The following FBXL5 variants were observed in gnomAD, a reference collection of about 807,000 sequenced individuals.
FBXL5 encodes the protein F-box and leucine rich repeat protein 5.
Under a neutral mutation model 78.3 loss-of-function variants are expected in FBXL5, and 26 were observed. The ratio of observed to expected loss-of-function variants is 0.33; its 90% CI spans 0.24 to 0.46. The LOEUF (loss-of-function observed/expected upper bound fraction) is 0.46. Among genes scored for constraint, FBXL5 ranks in the 20% least tolerant of loss-of-function variants. FBXL5 has a pLI of 1.00. For missense variants in FBXL5, 710 were observed against 829.2 expected (o/e 0.86, Z 1.77); for synonymous variants, 295 against 282.5 (o/e 1.04, Z -0.45).
chr4:15,678,664 T>G (rs1718083224), intron 1 of FBXL5, among the ~76,000 whole-genome samples: 1 of 152,202 alleles, frequency 6.6e-6, no homozygotes, highest in African/African-American at 2.4e-5. Context: ...TTAAGTATAT[T>G]TACCTAAAAT....
chr4:15,607,321 T>G (rs1005369792), intron 10 of FBXL5, among the ~76,000 whole-genome samples: 2 of 152,178 alleles, frequency 1.3e-5, no homozygotes, highest in Non-Finnish European at 2.9e-5. Context: ...AATATAAAGT[T>G]GAATTACTAA....
rs751556945 is a variant in FBXL5, at chr4:15,655,276, A to G, written c.12T>C (p.Phe4=). Residue 4 remains phenylalanine, a synonymous_variant, in exon 1 of 11, where the codon TTT becomes TTC. Transcript: ENST00000341285. MAP[F]PEEVDVFTAP... ...CGGTGAAGACGTCCACTTCTTCAGGAAAGGGCGCCATCGCCACTGCCTCAG... is the reference window on the plus strand; with the variant it reads ...CGGTGAAGACGTCCACTTCTTCAGGGAAGGGCGCCATCGCCACTGCCTCAG... 60 of 1,431,114 alleles carry G rather than the reference A, an allele frequency of 4.2e-5. No homozygotes were observed. The highest frequency in any genetic ancestry group is 4.5e-5 in the Non-Finnish European group (48 of 1,072,212). 88.7% of individuals were successfully genotyped at this position (1,431,114 alleles called of 1,614,324 possible). A position where few individuals can be genotyped will look rare whatever the true frequency, so the allele number is the denominator to read the frequency against.
intron 9 of FBXL5, among the ~76,000 whole-genome samples, chr4:15,615,342 G>A (rs952352839): frequency 5.9e-5 from 9 of 152,026 alleles, no homozygotes; most frequent in East Asian, 1.9e-4. Context: ...ATGCAACCCC[G>A]GTGTGGGATC....
chr4:15,662,909 T>TCAGAATAATCTTTCTGTCA (rs1409333269), upstream of FBXL5, among the ~76,000 whole-genome samples: 7 of 152,202 alleles, frequency 4.6e-5, no homozygotes, highest in African/African-American at 1.4e-4. Context: ...CAGATCTTTG[T>TCAGAATAATCTTTCTGTCA]CAGAATAATC....
At chr4:15,630,633 CTA>C in intron 6 of FBXL5, 31 bp downstream of exon 6, 1 of 1,498,378 alleles carries the variant, frequency 6.7e-7, no homozygotes. Flanking sequence ...TATTAAAACA[CTA>C]TGTAATAATT....
chr4:15,641,486 G>A (rs1030458253), intron 2 of FBXL5: 22 of 352,914 alleles, frequency 6.2e-5, no homozygotes, highest in African/African-American at 1.7e-4. Flanking sequence ...TTTTTCTTCC[G>A]TATGATGTTC....
At chr4:15,663,410 A>G (rs34559117), upstream of FBXL5, among the ~76,000 whole-genome samples, 36,775 of 152,084 alleles carry the variant, frequency 0.24, 4,698 homozygotes, top group African/African-American at 0.28. Context: ...AGGTTTCAAA[A>G]TGGTTTGACC....
At chr4:15,680,162 C>A (rs566131963) in intron 1 of FBXL5, among the ~76,000 whole-genome samples, 1 of 151,290 alleles carries the variant, frequency 6.6e-6, no homozygotes, top group African/African-American at 2.4e-5. Flanking sequence ...AAGGAGAGAC[C>A]GAGTGAAATA....
intron 1 of FBXL5, among the ~76,000 whole-genome samples, chr4:15,676,846 T>C (rs1331208694): frequency 1.3e-5 from 2 of 152,314 alleles, no homozygotes; most frequent in Non-Finnish European, 2.9e-5. Flanking sequence ...TGTTACCTAA[T>C]ATATCACTAG....
At chr4:15,635,761 G>GAAAAAAAAAAAAA (rs71649918) in intron 5 of FBXL5, among the ~76,000 whole-genome samples, 1 of 120,628 alleles carries the variant, frequency 8.3e-6, no homozygotes, top group South Asian at 2.7e-4. Flanking sequence ...CTCAAAAAAA[G>GAAAAAAAAAAAAA]AAAAAAAAAA....
intron 4 of FBXL5, 99 bp from the exon 5 acceptor site, chr4:15,636,775 T>A (rs1714329550): frequency 1.2e-6 from 1 of 802,130 alleles, no homozygotes; most frequent in Non-Finnish European, 1.9e-6. Context: ...GTGCCTGAAG[T>A]CAATTCCTTC....
intron 1 of FBXL5, among the ~76,000 whole-genome samples, chr4:15,666,594 T>C (rs1038192008): frequency 5.3e-5 from 8 of 151,984 alleles, no homozygotes; most frequent in African/African-American, 1.9e-4. Flanking sequence ...AGCAGGGTGA[T>C]TACAGTCAAT....
chr4:15,678,562 G>A (rs1033658769), intron 1 of FBXL5, among the ~76,000 whole-genome samples: 2 of 152,060 alleles, frequency 1.3e-5, no homozygotes, highest in South Asian at 2.1e-4. Context: ...TCTCAAAATA[G>A]TCCTTGTCTG....
chr4:15,618,503 A>G (rs565176983), intron 9 of FBXL5, among the ~76,000 whole-genome samples: 1 of 152,372 alleles, frequency 6.6e-6, no homozygotes, highest in South Asian at 2.1e-4. Flanking sequence ...AAAGAGACCA[A>G]AACAAAATAG....
chr4:15,627,865 T>A lies in FBXL5; in HGVS notation c.1041+20A>T, dbSNP rs1713224313. 6 of 1,587,568 alleles carry A rather than the reference T, an allele frequency of 3.8e-6. No individual in the cohort carries two copies. Among genetic ancestry groups the A allele is most frequent in the Non-Finnish European group, 5.1e-6 (6 of 1,171,592 alleles). On this transcript the variant is annotated intron_variant, in intron 7 of 10. Coordinates refer to ENST00000341285, the MANE Select transcript of FBXL5 (RefSeq NM_012161.4). ...ATGCTGTTTTTCTTAATACCCAAACTAGTGTTAATTTAAACATACCATTTT... is the reference window on the plus strand; with the variant it reads ...ATGCTGTTTTTCTTAATACCCAAACAAGTGTTAATTTAAACATACCATTTT...
At chr4:15,660,570 CACTA>C (rs569051576), upstream of FBXL5, among the ~76,000 whole-genome samples, 1 of 152,216 alleles carries the variant, frequency 6.6e-6, no homozygotes, top group Non-Finnish European at 1.5e-5. Context: ...TCCCACTTCT[CACTA>C]CCTACCTACC....
chr4:15,678,682 T>A (rs1718084142), intron 1 of FBXL5, among the ~76,000 whole-genome samples: 2 of 152,222 alleles, frequency 1.3e-5, no homozygotes, highest in Non-Finnish European at 2.9e-5. Context: ...AATTGGTTTC[T>A]TATAATTTTA....
At chr4:15,658,058 A>G (rs1422070312), upstream of FBXL5, among the ~76,000 whole-genome samples, 3 of 152,204 alleles carry the variant, frequency 2.0e-5, no homozygotes, top group Admixed American at 2.0e-4. Context: ...CTAAAAATAT[A>G]ACTTATTCTG....
At position 15,674,018 on chromosome 4, in the gene FBXL5, A is replaced by T. The variant is rs187205318; in HGVS notation, c.-284+7365T>A. Among the ~76,000 whole-genome samples the T allele has an allele frequency of 1.6e-3, 245 of 152,306 alleles. 2 individuals are homozygous for T. Among genetic ancestry groups the T allele is most frequent in the Admixed American group, 8.5e-4 (13 of 15,298 alleles). Reference sequence around the variant, plus strand: ...CCATTTTTTATTGTTTCTGGCCTGTATCAAACTTTTAACCATTACATGCCA... The same window carrying T: ...CCATTTTTTATTGTTTCTGGCCTGTTTCAAACTTTTAACCATTACATGCCA... On this transcript the variant is annotated intron_variant, in intron 1 of 4. Transcript: ENST00000507899.
Sources: allele counts gnomAD v4.1 joint callset (sites outside exome capture counted in the v4.1 genomes callset), GRCh38; gene constraint gnomAD v4.1.1; transcripts MANE v1.5; gene names NCBI Gene and HGNC (gene_info 2026-07-23, HGNC 2026-07-21).